The following MYO10 variants were observed in gnomAD, a reference collection of about 807,000 sequenced individuals.
MYO10 encodes unconventional myosin-X.
In MYO10, 133 loss-of-function variants were observed where a neutral mutation model predicts 257.3. The ratio of observed to expected loss-of-function variants is 0.52; its 90% CI spans 0.45 to 0.60. The LOEUF is 0.60. Ranked by LOEUF, MYO10 falls within the 20% of genes least tolerant of loss-of-function variation. MYO10 has a pLI of 0.00. For synonymous variants in MYO10, 1,104 were observed against 1,028.6 expected, an observed-to-expected ratio of 1.07 and a Z score of -1.40; for missense variants, 2,399 against 2,635.7, an observed-to-expected ratio of 0.91 and a Z score of 1.97.
At chr5:16,725,092 T>TC (rs1739308084) in intron 19 of MYO10, among the ~76,000 whole-genome samples, 1 of 138,310 alleles carries the variant, frequency 7.2e-6, no homozygotes, top group Non-Finnish European at 1.6e-5. Context: ...TTTTTTTTTT[T>TC]TTTTTTTTTT....
chr5:16,847,693 G>A (rs1361226560), intron 2 of MYO10, among the ~76,000 whole-genome samples: 1 of 152,104 alleles, frequency 6.6e-6, no homozygotes, highest in African/African-American at 2.4e-5. Flanking sequence ...TTGTGCCACT[G>A]CCCTCCAACC....
intron 1 of MYO10, among the ~76,000 whole-genome samples, chr5:16,929,211 C>A (rs904237637): frequency 9.9e-5 from 15 of 151,972 alleles, no homozygotes; most frequent in African/African-American, 3.6e-4. Flanking sequence ...CCTCGGCCTC[C>A]CAAAGTGCTG....
chr5:16,936,063 G>C lies in MYO10; in HGVS notation c.-255C>G. On this transcript the variant is annotated 5_prime_UTR_variant, in exon 1 of 41. Transcript: ENST00000513610. ...TCCAAGTTCCTCACTACTGGGCGCA[G>C]CGCTCGCAAGCGGAGAACAGCTGGT... 1.9e-6 allele frequency: 1 copy of C among 521,104 alleles called. No individual in the cohort carries two copies. 32.3% of individuals were successfully genotyped at this position (521,104 alleles called of 1,614,324 possible).
chr5:16,732,098 A>G (rs1370267028), intron 19 of MYO10, among the ~76,000 whole-genome samples: 1 of 152,204 alleles, frequency 6.6e-6, no homozygotes, highest in African/African-American at 2.4e-5. Flanking sequence ...GGAACATTTC[A>G]TATTTTGAGT....
intron 2 of MYO10, among the ~76,000 whole-genome samples, chr5:16,836,812 TTACCA>T (rs1365316282): frequency 1.3e-5 from 2 of 152,130 alleles, no homozygotes; most frequent in African/African-American, 4.8e-5. Flanking sequence ...CTAAATACAG[TTACCA>T]TATGATCCAG....
In MYO10 at chr5:16,918,898, A is replaced by C. The variant is rs190897296; in HGVS notation, c.21+16890T>G. Among the ~76,000 whole-genome samples, 292 of 151,884 alleles carry C rather than the reference A, an allele frequency of 1.9e-3. 3 individuals are homozygous for C. The highest frequency in any genetic ancestry group is 7.3e-4 in the Non-Finnish European group (50 of 68,032). On this transcript the variant is annotated intron_variant, in intron 1 of 40. Transcript: ENST00000513610. ...TGCAGTTGCTGTCATCACAAAAAGA[A>C]GCAGAAGGTCTATGTTTCTGCTTTT...
intron 2 of MYO10, among the ~76,000 whole-genome samples, chr5:16,865,928 C>T (rs1322083704): frequency 2.0e-5 from 3 of 151,228 alleles, no homozygotes; most frequent in South Asian, 2.1e-4. Flanking sequence ...TGTGATAACA[C>T]GACATTATAA....
intron 1 of MYO10, among the ~76,000 whole-genome samples, chr5:16,895,405 A>C (rs1305887977): frequency 1.3e-5 from 2 of 152,146 alleles, no homozygotes; most frequent in African/African-American, 4.8e-5. Flanking sequence ...AGCTCACCGG[A>C]GGCTCTGAGG....
intron 2 of MYO10, among the ~76,000 whole-genome samples, chr5:16,825,670 G>A (rs970356500): frequency 4.6e-5 from 7 of 152,162 alleles, no homozygotes; most frequent in African/African-American, 1.7e-4. Flanking sequence ...CCCTCAAAAT[G>A]GGTATTATAC....
rs1739970288 is a variant in MYO10 at position 16,740,303 on chromosome 5, G to A, written c.1929+14525C>T. On this transcript the variant is annotated intron_variant, in intron 19 of 40. Coordinates refer to ENST00000513610, the MANE Select transcript of MYO10 (RefSeq NM_012334.3). ...GTCACTACCAGAAAGCACACATTGA[G>A]GGGGCTGCCCGTGAAAACGTTAATT... 2.0e-5 allele frequency among the ~76,000 whole-genome samples: 3 copies of A among 152,166 alleles called. No individual in the cohort carries two copies. In the South Asian group the frequency reaches 6.2e-4, roughly 32 times the overall value.
chr5:16,767,576 T>A (rs1429006292), intron 10 of MYO10, among the ~76,000 whole-genome samples: 1 of 152,198 alleles, frequency 6.6e-6, no homozygotes, highest in Non-Finnish European at 1.5e-5. Flanking sequence ...GTCTTTTAAA[T>A]AAAAATAGAA....
chr5:16,831,285 T>A lies in MYO10; in HGVS notation c.121-13118A>T, dbSNP rs570718289. On this transcript the variant is annotated intron_variant, in intron 2 of 40. Transcript: ENST00000513610. ...CACTGCTGGTGGGAATGCAAACAAG[T>A]ACAACCACCATGGAAAACGGTGTGG... Among the ~76,000 whole-genome samples, 8 of 152,154 alleles carry A rather than the reference T, an allele frequency of 5.3e-5. No homozygotes were observed. The South Asian group carries it at 1.7e-3, about 32-fold the overall frequency.
At chr5:16,908,457 G>A (rs932161943) in intron 1 of MYO10, among the ~76,000 whole-genome samples, 10 of 152,286 alleles carry the variant, frequency 6.6e-5, no homozygotes, top group African/African-American at 2.4e-4. Flanking sequence ...GAACCCAGGA[G>A]GTGAAGGTTA....
chr5:16,878,095 G>A (rs1744656524), intron 1 of MYO10, among the ~76,000 whole-genome samples: 2 of 152,182 alleles, frequency 1.3e-5, no homozygotes, highest in African/African-American at 2.4e-5. Flanking sequence ...AAGACTGAGC[G>A]AGTGCATGAC....
intron 26 of MYO10, among the ~76,000 whole-genome samples, chr5:16,697,334 A>C (rs1737797120): frequency 6.6e-6 from 1 of 152,238 alleles, no homozygotes; most frequent in Non-Finnish European, 1.5e-5. Flanking sequence ...TAACAAAAGA[A>C]AAGACGTGGA....
chr5:16,879,596 A>G (rs1011129027), intron 1 of MYO10, among the ~76,000 whole-genome samples: 1 of 152,194 alleles, frequency 6.6e-6, no homozygotes, highest in Non-Finnish European at 1.5e-5. Flanking sequence ...CCAGTGCCAC[A>G]CAGCTAGTGA....
In MYO10 at chr5:16,675,173, G is replaced by A. The variant is rs573933501; in HGVS notation, c.4667-23C>T. On this transcript the variant is annotated intron_variant, in intron 34 of 40. Transcript: ENST00000513610. ...GCACTAGGACAAGCAAAACAAACAC[G>A]GAACTCATCTGAGGGGTTCAGAATA... The A allele has an allele frequency of 1.2e-5, 19 of 1,610,560 alleles. No homozygotes were observed. The African/African-American group carries it at 1.5e-4, about 12-fold the overall frequency.
chr5:16,742,640 T>G (rs906473748), intron 19 of MYO10, among the ~76,000 whole-genome samples: 4 of 147,166 alleles, frequency 2.7e-5, no homozygotes, highest in Admixed American at 1.4e-4. Flanking sequence ...GCCAACATGG[T>G]GAAATCTCAT....
intron 1 of MYO10, among the ~76,000 whole-genome samples, chr5:16,908,700 TAG>T (rs531828309): frequency 3.9e-5 from 6 of 152,210 alleles, no homozygotes; most frequent in African/African-American, 7.2e-5. Flanking sequence ...ACATTATATA[TAG>T]ATAGATATAG....
Sources: gnomAD v4.1 joint callset for allele counts (sites outside exome capture counted in the v4.1 genomes callset) on GRCh38, gnomAD v4.1.1 for gene constraint, MANE v1.5 for transcripts, NCBI Gene and HGNC (gene_info 2026-07-23, HGNC 2026-07-21) for gene names.